Variants in PPFIA2 observed in about 807,000 individuals in gnomAD.
PPFIA2 encodes PPFI scaffold protein A2.
In PPFIA2, 46 loss-of-function variants were observed where a neutral mutation model predicts 175.5. The observed-to-expected ratio is 0.26, with a 90% CI of 0.21 to 0.34. PPFIA2 has a LOEUF of 0.34. Among genes scored for constraint, PPFIA2 ranks in the 10% least tolerant of loss-of-function variants. The probability of loss-of-function intolerance (pLI) is 1.00; values close to 1 mark genes in which losing one functional copy is unlikely to be tolerated. For missense variants in PPFIA2, 1,179 were observed against 1,506.1 expected (o/e 0.78, Z 3.60); for synonymous variants, 568 against 511.4 (o/e 1.11, Z -1.49).
chr12:81,750,078 C>A lies in PPFIA2; in HGVS notation c.249+3895G>T, dbSNP rs535480094. On this transcript the variant is annotated intron_variant, in intron 3 of 32. Coordinates refer to ENST00000549396, the MANE Select transcript of PPFIA2 (RefSeq NM_003625.5). ...AATATGATAAATGATAAGAGTAAGG[C>A]ACACAGAACAAATGTACTTAGGGTT... Among the ~76,000 whole-genome samples the A allele has an allele frequency of 1.4e-5, 2 of 143,274 alleles. 1 individual carries two copies. Among genetic ancestry groups the A allele is most frequent in the Non-Finnish European group, 3.1e-5 (2 of 63,944 alleles). The allele number at this position is 143,274 out of a possible 152,430, so 94.0% of individuals were successfully genotyped here. A position where few individuals can be genotyped will look rare whatever the true frequency, so the allele number is the denominator to read the frequency against.
At chr12:81,628,219 A>G (rs959230886) in intron 4 of PPFIA2, among the ~76,000 whole-genome samples, 2 of 152,276 alleles carry the variant, frequency 1.3e-5, no homozygotes, top group African/African-American at 4.8e-5. Context: ...GAGCACCTCT[A>G]TCATCAAAGA....
intron 4 of PPFIA2, among the ~76,000 whole-genome samples, chr12:81,664,840 T>C (rs918421809): frequency 6.6e-6 from 1 of 152,008 alleles, no homozygotes; most frequent in Non-Finnish European, 1.5e-5. Context: ...ATATACACCA[T>C]GGAATACTAT....
At chr12:81,263,122 G>T in intron 31 of PPFIA2, 109 bp downstream of exon 31, 1 of 1,168,242 alleles carries the variant, frequency 8.6e-7, no homozygotes, top group East Asian at 2.6e-5. Context: ...ATTTCAAGCA[G>T]AGCAAACCAA....
intron 2 of PPFIA2, among the ~76,000 whole-genome samples, chr12:81,756,675 GA>G (rs907602035): frequency 2.9e-4 from 44 of 150,860 alleles, no homozygotes; most frequent in African/African-American, 1.0e-3. Flanking sequence ...ATGCTTAGAG[GA>G]AAAAAAAGAA....
chr12:81,481,882 T>C (rs572674752), intron 4 of PPFIA2, among the ~76,000 whole-genome samples: 11 of 152,208 alleles, frequency 7.2e-5, no homozygotes, highest in Admixed American at 3.9e-4. Flanking sequence ...AAAGCCAAAA[T>C]TGATAAATGG....
At chr12:81,641,906 G>A (rs940487539) in intron 4 of PPFIA2, among the ~76,000 whole-genome samples, 1 of 152,130 alleles carries the variant, frequency 6.6e-6, no homozygotes, top group African/African-American at 2.4e-5. Context: ...TAGTCAAACT[G>A]AACTTCTTAC....
At chr12:81,495,478 C>A (rs1477147375) in intron 4 of PPFIA2, among the ~76,000 whole-genome samples, 4 of 151,936 alleles carry the variant, frequency 2.6e-5, no homozygotes, top group Non-Finnish European at 4.4e-5. Flanking sequence ...TAACATAATT[C>A]TCTGCAATAA....
At chr12:81,448,861 T>C (rs1044857395) in intron 5 of PPFIA2, among the ~76,000 whole-genome samples, 3 of 152,208 alleles carry the variant, frequency 2.0e-5, no homozygotes, top group Non-Finnish European at 4.4e-5. Context: ...ATCTCCTTCC[T>C]AGCATATTAA....
intron 3 of PPFIA2, among the ~76,000 whole-genome samples, chr12:81,725,379 C>T (rs1165348567): frequency 6.6e-6 from 1 of 150,728 alleles, no homozygotes; most frequent in African/African-American, 2.4e-5. Flanking sequence ...AAAGATAACA[C>T]TAATAAATTT....
At chr12:81,437,936 T>C (rs2049387230) in intron 7 of PPFIA2, among the ~76,000 whole-genome samples, 1 of 151,552 alleles carries the variant, frequency 6.6e-6, no homozygotes, top group Admixed American at 6.6e-5. Flanking sequence ...TTATTTCTTT[T>C]TTTTTTTTTT....
At chr12:81,705,827 A>G (rs2077068053) in intron 3 of PPFIA2, among the ~76,000 whole-genome samples, 1 of 152,220 alleles carries the variant, frequency 6.6e-6, no homozygotes, top group Non-Finnish European at 1.5e-5. Flanking sequence ...TCTCTTTTGT[A>G]GAAACTGTAG....
chr12:81,716,030 CAT>C (rs893129843), intron 3 of PPFIA2, among the ~76,000 whole-genome samples: 22 of 151,316 alleles, frequency 1.5e-4, no homozygotes, highest in African/African-American at 2.9e-4. Context: ...AAATTAATAA[CAT>C]GTAATATTCA....
chr12:81,726,174 T>A (rs1282454325), intron 3 of PPFIA2, among the ~76,000 whole-genome samples: 1 of 151,220 alleles, frequency 6.6e-6, no homozygotes, highest in Non-Finnish European at 1.5e-5. Flanking sequence ...ATAATGTATT[T>A]TTCTACTAAA....
chr12:81,703,125 G>A (rs1034492973), intron 3 of PPFIA2, among the ~76,000 whole-genome samples: 11 of 152,024 alleles, frequency 7.2e-5, no homozygotes, highest in African/African-American at 2.7e-4. Flanking sequence ...TTCTTCTTGA[G>A]GGGTTTCTAC....
chr12:81,367,948 T>C (rs1490316146), intron 13 of PPFIA2, among the ~76,000 whole-genome samples: 1 of 151,886 alleles, frequency 6.6e-6, no homozygotes, highest in East Asian at 1.9e-4. Context: ...CTTATTACTT[T>C]CTAATGGGTA....
intron 17 of PPFIA2, among the ~76,000 whole-genome samples, chr12:81,348,027 T>C (rs779650727): frequency 6.6e-6 from 1 of 152,140 alleles, no homozygotes; most frequent in Non-Finnish European, 1.5e-5. Context: ...AGTTTTACCT[T>C]CTTTGTATAC....
intron 4 of PPFIA2, among the ~76,000 whole-genome samples, chr12:81,624,869 G>A (rs2153486583): frequency 6.6e-6 from 1 of 151,032 alleles, no homozygotes; most frequent in African/African-American, 2.4e-5. Context: ...CTACACATTA[G>A]GTACAGTGTA....
In PPFIA2 at chr12:81,719,710, T is replaced by C. The variant is rs2079081623; in HGVS notation, c.249+34263A>G. ...TCTTAAAAAGATCACAGATGAAAAA[T>C]TCAGTTATTTCCTGAAATTTCAATA... On this transcript the variant is annotated intron_variant, in intron 3 of 32. Transcript: ENST00000549396. Among the ~76,000 whole-genome samples, 4 of 151,538 alleles carry C rather than the reference T, an allele frequency of 2.6e-5. No individual in the cohort carries two copies. The South Asian group carries it at 8.3e-4, about 31-fold the overall frequency.
rs530584430 is a variant in PPFIA2, at chr12:81,348,996, A to T, written c.1995-1226T>A. Among the ~76,000 whole-genome samples the T allele has an allele frequency of 9.2e-5, 14 of 152,258 alleles. 1 individual carries two copies. The South Asian group carries it at 2.9e-3, about 32-fold the overall frequency. Reference sequence around the variant, plus strand: ...GATCACTTCAAAGTTTTCTTTTTACATATTTAGAATGGAGAATGTAATTTA... The same window carrying T: ...GATCACTTCAAAGTTTTCTTTTTACTTATTTAGAATGGAGAATGTAATTTA... On this transcript the variant is annotated intron_variant, in intron 17 of 32. Coordinates refer to ENST00000549396, the MANE Select transcript of PPFIA2 (RefSeq NM_003625.5).
Sources: allele counts gnomAD v4.1 joint callset (sites outside exome capture counted in the v4.1 genomes callset), GRCh38; gene constraint gnomAD v4.1.1; transcripts MANE v1.5; gene names NCBI Gene and HGNC (gene_info 2026-07-23, HGNC 2026-07-21).